SGCD: variants seen among roughly 807,000 people sequenced by gnomAD.
The protein encoded by SGCD is delta-sarcoglycan.
In SGCD, 18 loss-of-function variants were observed where a neutral mutation model predicts 36.6. The ratio of observed to expected loss-of-function variants is 0.49; its 90% CI spans 0.34 to 0.73. The LOEUF (loss-of-function observed/expected upper bound fraction) is 0.73. Among genes scored for constraint, SGCD ranks in the 30% least tolerant of loss-of-function variants. The probability of loss-of-function intolerance (pLI) is 0.01; values close to 1 mark genes in which losing one functional copy is unlikely to be tolerated. For synonymous variants in SGCD, 133 were observed against 130.6 expected (o/e 1.02, Z -0.12); for missense variants, 387 against 346.7 (o/e 1.12, Z -0.92).
intron 1 of SGCD, among the ~76,000 whole-genome samples, chr5:156,022,695 A>C (rs1257014149): frequency 1.3e-5 from 2 of 152,200 alleles, no homozygotes; most frequent in African/African-American, 2.4e-5. Flanking sequence ...ATGTGAGGCA[A>C]GTTACTTTCT....
intron 3 of SGCD, among the ~76,000 whole-genome samples, chr5:156,423,736 C>G (rs746525617): frequency 2.0e-5 from 3 of 151,748 alleles, no homozygotes; most frequent in Non-Finnish European, 4.4e-5. Context: ...CTAATCAATT[C>G]CTGGGTTCTT....
At chr5:156,175,315 A>C (rs895844149) in intron 3 of SGCD, among the ~76,000 whole-genome samples, 5 of 152,198 alleles carry the variant, frequency 3.3e-5, no homozygotes, top group Non-Finnish European at 7.4e-5. Flanking sequence ...TGTAGAAAAA[A>C]AGTAGTAAAA....
At chr5:156,718,223 C>T (rs537006838) in intron 7 of SGCD, among the ~76,000 whole-genome samples, 2 of 152,132 alleles carry the variant, frequency 1.3e-5, no homozygotes, top group South Asian at 4.1e-4. Context: ...AGCATGAGGC[C>T]TGACATAAGT....
the SGCD span, among the ~76,000 whole-genome samples, chr5:155,814,401 A>T: frequency 4.3e-4 from 65 of 152,262 alleles, no homozygotes; most frequent in South Asian, 0.013. Flanking sequence ...ACGTATTCTC[A>T]TTGCTCCTTC....
the SGCD span, among the ~76,000 whole-genome samples, chr5:155,734,800 C>A: frequency 2.0e-5 from 3 of 152,180 alleles, no homozygotes; most frequent in African/African-American, 7.2e-5. Flanking sequence ...TCCCCTGCTG[C>A]AATTGCTTGG....
chr5:155,970,508 G>C (rs889221346), intron 1 of SGCD, among the ~76,000 whole-genome samples: 2 of 152,148 alleles, frequency 1.3e-5, no homozygotes, highest in African/African-American at 4.8e-5. Flanking sequence ...TTACTTCAGT[G>C]AAGAGTCCCA....
At chr5:155,795,268 C>A in the SGCD span, among the ~76,000 whole-genome samples, 1 of 151,922 alleles carries the variant, frequency 6.6e-6, no homozygotes, top group African/African-American at 2.4e-5. Flanking sequence ...ATTGACTGTA[C>A]AAAGCAATGA....
At chr5:156,361,598 C>CCTCTT (rs1769796075) in intron 3 of SGCD, among the ~76,000 whole-genome samples, 1 of 152,166 alleles carries the variant, frequency 6.6e-6, no homozygotes, top group African/African-American at 2.4e-5. Context: ...AAATAAGTTT[C>CCTCTT]AGTTGCTAAA....
chr5:155,976,927 T>G (rs373416138), intron 1 of SGCD, among the ~76,000 whole-genome samples: 1 of 152,322 alleles, frequency 6.6e-6, no homozygotes, highest in East Asian at 1.9e-4. Flanking sequence ...TCCTTCATTT[T>G]CTAGACTCCA....
At chr5:156,558,659 G>C (rs1759144365) in intron 4 of SGCD, among the ~76,000 whole-genome samples, 1 of 152,134 alleles carries the variant, frequency 6.6e-6, no homozygotes, top group Admixed American at 6.6e-5. Flanking sequence ...ATGTGAAGCT[G>C]AGTCACAAAA....
intron 4 of SGCD, among the ~76,000 whole-genome samples, chr5:156,547,693 C>T (rs1223455051): frequency 2.6e-5 from 4 of 152,034 alleles, no homozygotes; most frequent in African/African-American, 4.8e-5. Flanking sequence ...CCGCCCACCT[C>T]GGCCTCCCAA....
intron 1 of SGCD, among the ~76,000 whole-genome samples, chr5:156,045,295 C>T (rs1411273130): frequency 1.3e-5 from 2 of 152,134 alleles, no homozygotes; most frequent in African/African-American, 4.8e-5. Flanking sequence ...CTCACATACA[C>T]ATATACCTGT....
intron 3 of SGCD, among the ~76,000 whole-genome samples, chr5:156,350,368 C>T (rs190786472): frequency 3.2e-4 from 49 of 151,234 alleles, no homozygotes; most frequent in African/African-American, 1.2e-3. Flanking sequence ...ACACTGTAAT[C>T]AAACCCCCTG....
chr5:155,761,356 C>A, the SGCD span, among the ~76,000 whole-genome samples: 2 of 122,590 alleles, frequency 1.6e-5, no homozygotes, highest in Non-Finnish European at 3.4e-5. Flanking sequence ...TATTCATCAT[C>A]CTCTCCATCA....
chr5:156,314,149 T>C (rs1767455854), intron 3 of SGCD, among the ~76,000 whole-genome samples: 1 of 151,948 alleles, frequency 6.6e-6, no homozygotes, highest in Non-Finnish European at 1.5e-5. Flanking sequence ...TAATGAAACA[T>C]AAACAAAAGG....
At chr5:156,129,827 T>C (rs1363509436) in intron 3 of SGCD, among the ~76,000 whole-genome samples, 1 of 152,222 alleles carries the variant, frequency 6.6e-6, no homozygotes, top group Non-Finnish European at 1.5e-5. Flanking sequence ...ATGTTGTTCT[T>C]TTTTATGGCT....
At chr5:155,951,259 T>G (rs958186980) in intron 1 of SGCD, among the ~76,000 whole-genome samples, 2 of 152,170 alleles carry the variant, frequency 1.3e-5, no homozygotes, top group South Asian at 4.1e-4. Flanking sequence ...CTCTTCCTGA[T>G]AGCCCACAGC....
At chr5:155,949,052 T>C (rs910344521) in intron 1 of SGCD, among the ~76,000 whole-genome samples, 1 of 152,162 alleles carries the variant, frequency 6.6e-6, no homozygotes, top group African/African-American at 2.4e-5. Flanking sequence ...ATGTCCCTTT[T>C]CTCCATCAAA....
the SGCD span, among the ~76,000 whole-genome samples, chr5:155,820,351 G>A: frequency 6.6e-6 from 1 of 152,086 alleles, no homozygotes; most frequent in African/African-American, 2.4e-5. Context: ...AGGTGATCAG[G>A]TGATCAATTA....
Sources: allele counts gnomAD v4.1 joint callset (sites outside exome capture counted in the v4.1 genomes callset), GRCh38; gene constraint gnomAD v4.1.1; transcripts MANE v1.5; gene names NCBI Gene and HGNC (gene_info 2026-07-23, HGNC 2026-07-21).